The following UVSSA variants were observed in gnomAD, a reference collection of about 807,000 sequenced individuals.
The protein encoded by UVSSA is UV-stimulated scaffold protein A.
A neutral mutation model predicts 73.9 loss-of-function variants in UVSSA; 72 were observed. The observed-to-expected ratio is 0.97, with a 90% CI of 0.81 to 1.19. The LOEUF is 1.19. Among genes scored for constraint, UVSSA ranks in the 50% most tolerant of loss-of-function variants. UVSSA has a pLI of 0.00. For missense variants in UVSSA, 1,150 were observed against 965.0 expected, an observed-to-expected ratio of 1.19 and a Z score of -2.54; for synonymous variants, 454 against 391.3, an observed-to-expected ratio of 1.16 and a Z score of -1.89.
chr4:1,373,423 G>A (rs911560833), intron 8 of UVSSA, among the ~76,000 whole-genome samples: 2 of 152,182 alleles, frequency 1.3e-5, no homozygotes, highest in Admixed American at 6.5e-5. Context: ...CAGATTAAGG[G>A]TGGATCTGCC....
At chr4:1,350,787 C>T (rs1246142785) in intron 3 of UVSSA, among the ~76,000 whole-genome samples, 3 of 150,980 alleles carry the variant, frequency 2.0e-5, no homozygotes, top group Admixed American at 1.3e-4. Flanking sequence ...AAAAAAACTA[C>T]TGTGAACTTA....
chr4:1,395,800 GT>G, exon 14 of UVSSA: 2 of 1,614,148 alleles, frequency 1.2e-6, no homozygotes, highest in Non-Finnish European at 1.7e-6. Flanking sequence ...TTTTTAATAC[GT>G]TTTTATGTCA....
chr4:1,371,684 C>T (rs1044838686), intron 8 of UVSSA, among the ~76,000 whole-genome samples: 3 of 152,184 alleles, frequency 2.0e-5, no homozygotes, highest in Admixed American at 2.0e-4. Flanking sequence ...CGGAGAAACT[C>T]CCGCTTTTAC....
chr4:1,382,105 T>C (rs907006337), intron 12 of UVSSA, among the ~76,000 whole-genome samples: 2 of 152,226 alleles, frequency 1.3e-5, no homozygotes, highest in African/African-American at 4.8e-5. Context: ...TCTTGCACTC[T>C]GGTCATGAGA....
At chr4:1,378,422 G>A (rs912980475) in intron 10 of UVSSA, among the ~76,000 whole-genome samples, 12 of 152,182 alleles carry the variant, frequency 7.9e-5, no homozygotes, top group African/African-American at 1.2e-4. Flanking sequence ...GCGTGGTGGC[G>A]TGCGCCTGTA....
intron 8 of UVSSA, 67 bp from the exon 9 acceptor site, chr4:1,375,297 G>A (rs778107265): frequency 1.7e-5 from 27 of 1,595,074 alleles, no homozygotes; most frequent in African/African-American, 6.7e-5. Context: ...CTAACTGCCC[G>A]GTCTTGCCTG....
intron 8 of UVSSA, among the ~76,000 whole-genome samples, chr4:1,374,732 G>C (rs1718540126): frequency 6.6e-6 from 1 of 152,260 alleles, no homozygotes; most frequent in Admixed American, 6.5e-5. Flanking sequence ...AGTGGCCCCT[G>C]TGGCTGTCAG....
chr4:1,355,323 C>T (rs1715552331), intron 7 of UVSSA, 78 bp downstream of exon 7: 1 of 1,436,928 alleles, frequency 7.0e-7, no homozygotes, highest in South Asian at 1.3e-5. Flanking sequence ...GGGTTGTGCC[C>T]TGGGCCTGTG....
At chr4:1,376,010 G>A in intron 9 of UVSSA, 24 bp from the exon 10 acceptor site, 1 of 1,577,694 alleles carries the variant, frequency 6.3e-7, no homozygotes, top group Non-Finnish European at 8.6e-7. Context: ...AGCACCGTCA[G>A]GCTGTCCCAC....
At chr4:1,374,625 C>A (rs1044644075) in intron 8 of UVSSA, among the ~76,000 whole-genome samples, 1 of 152,200 alleles carries the variant, frequency 6.6e-6, no homozygotes, top group Non-Finnish European at 1.5e-5. Flanking sequence ...GCGGGGCGGA[C>A]CCTCTTCGAC....
chr4:1,350,450 G>C (rs554362253), intron 3 of UVSSA, among the ~76,000 whole-genome samples: 23 of 152,326 alleles, frequency 1.5e-4, no homozygotes, highest in African/African-American at 5.1e-4. Flanking sequence ...CAGGGTTCAT[G>C]CTCAGGGTTT....
chr4:1,362,487 G>A (rs911351109), intron 7 of UVSSA, among the ~76,000 whole-genome samples: 6 of 152,204 alleles, frequency 3.9e-5, no homozygotes, highest in East Asian at 1.9e-4. Flanking sequence ...CTGCCAGGTC[G>A]GGGTAAAAGC....
In UVSSA at chr4:1,349,707, C is replaced by A. The variant is rs761470083; in HGVS notation, c.282C>A (p.Asp94Glu). 6 of 1,613,844 alleles carry A rather than the reference C, an allele frequency of 3.7e-6. No individual in the cohort carries two copies. The highest frequency in any genetic ancestry group is 5.1e-6 in the Non-Finnish European group (6 of 1,179,972). ...TCCTGGAGCTCACGCTGGGCACAGA[C>A]CCCGCACAGCCTCTGCCGCCCCCCA... ...QEFLELTLGT[D>E]PAQPLPPPRE... The change falls in exon 3 of 14, where the codon GAC (aspartate) becomes GAA (glutamate). Residue 94 changes from aspartate (D) to glutamate (E), a missense_variant. Coordinates refer to ENST00000389851, the MANE Select transcript of UVSSA (RefSeq NM_020894.4).
At chr4:1,375,058 C>T (rs1321045492) in intron 8 of UVSSA, 2 of 364,160 alleles carry the variant, frequency 5.5e-6, no homozygotes, top group Non-Finnish European at 1.0e-5. Flanking sequence ...TTCTTTCCAG[C>T]CTGGCGAATC....
chr4:1,395,869 A>G, exon 14 of UVSSA: 2 of 1,608,092 alleles, frequency 1.2e-6, no homozygotes, highest in Non-Finnish European at 1.7e-6. Context: ...TAGGGATGAG[A>G]TGGAAGAGGA....
intron 12 of UVSSA, among the ~76,000 whole-genome samples, 168 bp from the exon 13 acceptor site, chr4:1,383,598 C>T (rs1029124153): frequency 2.6e-4 from 40 of 152,328 alleles, no homozygotes; most frequent in African/African-American, 9.4e-4. Context: ...CTCAGGGAAC[C>T]CTAACCGCTG....
chr4:1,350,816 G>C (rs75228435), intron 3 of UVSSA, among the ~76,000 whole-genome samples: 2,210 of 151,436 alleles, frequency 0.015, 62 homozygotes, highest in African/African-American at 0.051. Flanking sequence ...TAGGGCTCTT[G>C]GCCACGCATG....
chr4:1,389,926 C>A (rs1283122121), downstream of UVSSA: 2 of 152,148 alleles, frequency 1.3e-5, no homozygotes, highest in African/African-American at 4.8e-5. Flanking sequence ...TTTAAAGAAA[C>A]AACTTCTGGT....
chr4:1,355,310 G>C (rs1406711750), intron 7 of UVSSA, 65 bp downstream of exon 7: 4 of 1,481,874 alleles, frequency 2.7e-6, no homozygotes, highest in South Asian at 1.2e-5. Context: ...AGAAGCTGTG[G>C]GGGGGTTGTG....
Sources: gnomAD v4.1 joint callset for allele counts (sites outside exome capture counted in the v4.1 genomes callset) on GRCh38, gnomAD v4.1.1 for gene constraint, MANE v1.5 for transcripts, NCBI Gene and HGNC (gene_info 2026-07-23, HGNC 2026-07-21) for gene names.